CLVS1: variants seen among roughly 807,000 people sequenced by gnomAD.
The protein encoded by CLVS1 is clavesin 1.
CLVS1 carries 10 observed loss-of-function variants against 33.1 expected under a neutral mutation model. The observed-to-expected ratio is 0.30, with a 90% confidence interval of 0.19 to 0.51. CLVS1 has a LOEUF of 0.51. Among genes scored for constraint, CLVS1 ranks in the 20% least tolerant of loss-of-function variants. CLVS1 has a pLI of 0.97. For synonymous variants in CLVS1, 163 were observed against 166.1 expected, an observed-to-expected ratio of 0.98 and a Z score of 0.14; for missense variants, 343 against 433.4, an observed-to-expected ratio of 0.79 and a Z score of 1.85.
chr8:61,398,714 C>T (rs994858667), intron 3 of CLVS1, among the ~76,000 whole-genome samples: 2 of 152,112 alleles, frequency 1.3e-5, no homozygotes, highest in East Asian at 3.9e-4. Flanking sequence ...CCTAACTAAC[C>T]CTCCGACAGG....
intron 2 of CLVS1, among the ~76,000 whole-genome samples, chr8:61,265,666 A>G (rs28460733): frequency 0.27 from 40,285 of 151,930 alleles, 6,510 homozygotes; most frequent in Non-Finnish European, 0.35. Flanking sequence ...CCCTGTCCAG[A>G]CTGTAATTCC....
At chr8:61,375,006 C>T (rs754239602) in intron 2 of CLVS1, among the ~76,000 whole-genome samples, 26 of 152,076 alleles carry the variant, frequency 1.7e-4, no homozygotes, top group Non-Finnish European at 3.4e-4. Flanking sequence ...TCCCCCTTTT[C>T]CCAATTATCC....
At chr8:61,282,851 G>T (rs914202756) in intron 2 of CLVS1, among the ~76,000 whole-genome samples, 25 of 152,160 alleles carry the variant, frequency 1.6e-4, no homozygotes, top group African/African-American at 6.0e-4. Context: ...ATGAAAAGTT[G>T]CAGGAACAAA....
At chr8:61,047,014 T>G in the CLVS1 span, among the ~76,000 whole-genome samples, 1 of 152,154 alleles carries the variant, frequency 6.6e-6, no homozygotes, top group Non-Finnish European at 1.5e-5. Context: ...TGGCCAGAAC[T>G]TCCAACACTA....
chr8:61,177,085 C>T (rs759516292), intron 2 of CLVS1, among the ~76,000 whole-genome samples: 1 of 104,642 alleles, frequency 9.6e-6, no homozygotes, highest in South Asian at 3.3e-4. Context: ...GGGGGCGGGG[C>T]GGGGGGGCAA....
chr8:61,422,055 T>A (rs1815696245), intron 3 of CLVS1, among the ~76,000 whole-genome samples: 2 of 152,160 alleles, frequency 1.3e-5, no homozygotes, highest in Non-Finnish European at 2.9e-5. Flanking sequence ...AACTGGATGA[T>A]TCTACCTCAG....
intron 2 of CLVS1, among the ~76,000 whole-genome samples, chr8:61,133,906 T>C (rs993458679): frequency 1.3e-5 from 2 of 152,036 alleles, no homozygotes; most frequent in African/African-American, 4.8e-5. Context: ...ACAGAGTGAA[T>C]TGTGGTGCTA....
intron 1 of CLVS1, among the ~76,000 whole-genome samples, chr8:61,088,055 GA>G (rs1805157591): frequency 6.6e-6 from 1 of 152,104 alleles, no homozygotes; most frequent in South Asian, 2.1e-4. Flanking sequence ...TGCTTGACTT[GA>G]ACTTTATTAA....
At chr8:61,223,867 C>A (rs1808273857) in intron 2 of CLVS1, among the ~76,000 whole-genome samples, 1 of 151,968 alleles carries the variant, frequency 6.6e-6, no homozygotes, top group Non-Finnish European at 1.5e-5. Flanking sequence ...TTTGCTCATT[C>A]CTTTAGATTC....
chr8:61,348,508 A>AT (rs1215484898), intron 2 of CLVS1, among the ~76,000 whole-genome samples: 2 of 152,178 alleles, frequency 1.3e-5, no homozygotes, highest in Admixed American at 6.5e-5. Context: ...ATAACTTATC[A>AT]TAACGTCCTT....
At chr8:61,111,979 C>G (rs1002280200) in intron 1 of CLVS1, among the ~76,000 whole-genome samples, 2 of 152,020 alleles carry the variant, frequency 1.3e-5, no homozygotes, top group South Asian at 4.1e-4. Flanking sequence ...TTTTTCAAAT[C>G]GGTACTGTAG....
chr8:61,256,094 A>G (rs1376312034), intron 2 of CLVS1, among the ~76,000 whole-genome samples: 1 of 152,162 alleles, frequency 6.6e-6, no homozygotes, highest in African/African-American at 2.4e-5. Context: ...CTGAAACCCT[A>G]TTCCCATAAA....
chr8:61,331,215 C>T (rs1434788094), intron 2 of CLVS1, among the ~76,000 whole-genome samples: 2 of 152,200 alleles, frequency 1.3e-5, no homozygotes, highest in Non-Finnish European at 2.9e-5. Flanking sequence ...ATTGTCATTA[C>T]TTCCAATGAT....
At chr8:61,045,136 A>G in the CLVS1 span, among the ~76,000 whole-genome samples, 1 of 152,208 alleles carries the variant, frequency 6.6e-6, no homozygotes, top group African/African-American at 2.4e-5. Context: ...GGGCTGATTA[A>G]ACTACTGCTG....
intron 1 of CLVS1, among the ~76,000 whole-genome samples, chr8:61,103,054 A>T (rs566887032): frequency 6.6e-6 from 1 of 152,080 alleles, no homozygotes; most frequent in East Asian, 1.9e-4. Context: ...AGAATATCAA[A>T]TTTTTTTTAT....
intron 1 of CLVS1, among the ~76,000 whole-genome samples, chr8:61,120,731 C>T (rs1805842789): frequency 7.0e-6 from 1 of 143,360 alleles, no homozygotes; most frequent in Non-Finnish European, 1.5e-5. Flanking sequence ...TCTGCCCGTT[C>T]TCAGATCTCC....
chr8:61,028,033 G>T, the CLVS1 span, among the ~76,000 whole-genome samples: 9 of 152,348 alleles, frequency 5.9e-5, no homozygotes, highest in Admixed American at 1.3e-4. Flanking sequence ...GATGAATGTG[G>T]TGTAAAAATA....
chr8:61,355,406 C>G (rs927988273), intron 2 of CLVS1, among the ~76,000 whole-genome samples: 2 of 151,614 alleles, frequency 1.3e-5, no homozygotes, highest in African/African-American at 4.8e-5. Flanking sequence ...TTACTATGGT[C>G]TTTTTCTTTT....
the CLVS1 span, among the ~76,000 whole-genome samples, chr8:61,011,909 C>T: frequency 3.3e-5 from 5 of 152,212 alleles, no homozygotes; most frequent in Non-Finnish European, 7.3e-5. Flanking sequence ...TGGCGATCTG[C>T]GTCTGTTTAC....
Sources: gnomAD v4.1 joint callset for allele counts (sites outside exome capture counted in the v4.1 genomes callset) on GRCh38, gnomAD v4.1.1 for gene constraint, MANE v1.5 for transcripts, NCBI Gene and HGNC (gene_info 2026-07-23, HGNC 2026-07-21) for gene names.